The following DPH6 variants were observed in gnomAD, a reference collection of about 807,000 sequenced individuals.
The protein encoded by DPH6 is diphthamine biosynthesis 6.
In DPH6, 33 loss-of-function variants were observed where a neutral mutation model predicts 38.2. The observed-to-expected ratio is 0.86, with a 90% CI of 0.65 to 1.15. The LOEUF is 1.15. Ranked by LOEUF, DPH6 falls within the 50% of genes most tolerant of loss-of-function variation. The pLI is 0.00. For synonymous variants in DPH6, 108 were observed against 103.0 expected (o/e 1.05, Z -0.30); for missense variants, 325 against 320.0 (o/e 1.02, Z -0.12).
intron 3 of DPH6, chr15:35,522,232 AG>A: frequency 1.2e-6 from 2 of 1,613,286 alleles, no homozygotes; most frequent in Non-Finnish European, 1.7e-6. Flanking sequence ...AAAATCTTGG[AG>A]ATTCAGAGCA....
chr15:35,327,336 CTTTTTTTTTT>C (rs376483680), downstream of DPH6, among the ~76,000 whole-genome samples: 2 of 127,790 alleles, frequency 1.6e-5, no homozygotes, highest in South Asian at 2.4e-4. Context: ...GAAAAGGTTC[CTTTTTTTTTT>C]TTTTTTTTTT....
At chr15:35,221,366 G>A (rs1336726732) in intron 3 of DPH6, among the ~76,000 whole-genome samples, 3 of 151,986 alleles carry the variant, frequency 2.0e-5, no homozygotes, top group South Asian at 2.1e-4. Flanking sequence ...TGCAGAGGCC[G>A]CACCCCCATG....
the DPH6 span, among the ~76,000 whole-genome samples, chr15:35,172,398 G>A: frequency 6.6e-6 from 1 of 152,112 alleles, no homozygotes; most frequent in Non-Finnish European, 1.5e-5. Flanking sequence ...TCATGTTGGT[G>A]CTCAAAAAGT....
At chr15:35,442,370 A>T (rs2053799788) in intron 5 of DPH6, among the ~76,000 whole-genome samples, 1 of 152,182 alleles carries the variant, frequency 6.6e-6, no homozygotes, top group African/African-American at 2.4e-5. Flanking sequence ...AAAGACAGAA[A>T]ATAATTAACT....
intron 6 of DPH6, among the ~76,000 whole-genome samples, chr15:35,390,035 T>C (rs1484344070): frequency 3.3e-5 from 5 of 152,218 alleles, no homozygotes; most frequent in Non-Finnish European, 5.9e-5. Context: ...AGGGCAGGCC[T>C]GGTGGTGACA....
At chr15:35,503,781 C>T (rs1419367172) in intron 3 of DPH6, among the ~76,000 whole-genome samples, 1 of 152,014 alleles carries the variant, frequency 6.6e-6, no homozygotes, top group East Asian at 1.9e-4. Flanking sequence ...AGCAATTCTA[C>T]GAGGTAGGCT....
chr15:35,274,798 T>A (rs987484864), intron 3 of DPH6, among the ~76,000 whole-genome samples: 1 of 152,070 alleles, frequency 6.6e-6, no homozygotes, highest in African/African-American at 2.4e-5. Flanking sequence ...TTGGTGGGAG[T>A]GTAAATTATT....
chr15:35,484,173 CAAATA>C (rs2054365281), intron 3 of DPH6, among the ~76,000 whole-genome samples: 1 of 151,972 alleles, frequency 6.6e-6, no homozygotes, highest in African/African-American at 2.4e-5. Flanking sequence ...TGAATCTATA[CAAATA>C]AATAACAATG....
intron 5 of DPH6, among the ~76,000 whole-genome samples, chr15:35,434,260 A>C (rs1458621224): frequency 1.3e-5 from 2 of 152,206 alleles, no homozygotes; most frequent in African/African-American, 4.8e-5. Context: ...TTGATTAGGA[A>C]GTGATAAAAA....
At chr15:35,312,134 A>C (rs951684093) in intron 3 of DPH6, among the ~76,000 whole-genome samples, 1 of 152,148 alleles carries the variant, frequency 6.6e-6, no homozygotes, top group South Asian at 2.1e-4. Flanking sequence ...GAAAGCTACT[A>C]TATTTTAAAA....
chr15:35,283,250 ACTC>A (rs200197152), intron 3 of DPH6, among the ~76,000 whole-genome samples: 52 of 87,100 alleles, frequency 6.0e-4, no homozygotes, highest in South Asian at 1.5e-3. Context: ...TCCTCCTCCT[ACTC>A]CTCTTCTTCT....
chr15:35,227,544 G>A (rs1056663513), intron 3 of DPH6, among the ~76,000 whole-genome samples: 3 of 151,450 alleles, frequency 2.0e-5, no homozygotes, highest in African/African-American at 7.3e-5. Flanking sequence ...CCTTAGTCTG[G>A]CTAAAGGTTT....
At chr15:35,340,702 C>T (rs1308252709) in intron 3 of DPH6, among the ~76,000 whole-genome samples, 5 of 152,186 alleles carry the variant, frequency 3.3e-5, no homozygotes, top group East Asian at 3.9e-4. Flanking sequence ...GTTGAATATT[C>T]GCCCCAATCT....
intron 4 of DPH6, 102 bp from the exon 5 acceptor site, chr15:35,450,905 A>G: frequency 1.1e-6 from 1 of 908,230 alleles, no homozygotes; most frequent in Middle Eastern, 3.4e-4. Flanking sequence ...TCGTTCAAGG[A>G]TTTTAGCATT....
chr15:35,490,813 A>G (rs945310352), intron 3 of DPH6, among the ~76,000 whole-genome samples: 6 of 152,056 alleles, frequency 3.9e-5, no homozygotes, highest in Non-Finnish European at 7.4e-5. Flanking sequence ...TTCTGCTGCT[A>G]TAAGAGAATA....
Position 35,371,613 on chromosome 15 carries a change from G to A in DPH6, c.*537C>T. 7.1e-6 allele frequency: 7 copies of A among 983,338 alleles called. No homozygotes were observed. The highest frequency in any genetic ancestry group is 8.5e-6 in the Non-Finnish European group (7 of 828,108). The allele number at this position is 983,338 out of a possible 1,614,324, so 60.9% of individuals were successfully genotyped here. ...TTAAAAATCAGTTATAAAATAACTTGTAAGAGTTAAGGACATTCTTCCTAA... is the reference window on the plus strand; with the variant it reads ...TTAAAAATCAGTTATAAAATAACTTATAAGAGTTAAGGACATTCTTCCTAA... On this transcript the variant is annotated 3_prime_UTR_variant, in exon 9 of 9. Transcript: ENST00000256538.
At chr15:35,213,838 C>A (rs569429909), downstream of DPH6, among the ~76,000 whole-genome samples, 3 of 152,264 alleles carry the variant, frequency 2.0e-5, no homozygotes, top group Non-Finnish European at 2.9e-5. Flanking sequence ...AGAGGCCGGG[C>A]GCGGTGGCTC....
chr15:35,526,111 A>G (rs2054997797), intron 3 of DPH6, among the ~76,000 whole-genome samples: 2 of 152,232 alleles, frequency 1.3e-5, no homozygotes, highest in Non-Finnish European at 2.9e-5. Flanking sequence ...TTTTAAAGAG[A>G]TAAATCATGA....
Position 35,526,018 on chromosome 15 carries a change from G to A in DPH6, c.312+12256C>T, listed in dbSNP as rs2054995981. ...ATAATGCTTTCTGTAATTACGTCCA[G>A]GATATATGACCACTGAAAATCAGAA... On this transcript the variant is annotated intron_variant, in intron 3 of 8. Transcript: ENST00000256538. Among the ~76,000 whole-genome samples the A allele has an allele frequency of 2.6e-5, 4 of 152,088 alleles. No homozygotes were observed. In the South Asian group the frequency reaches 8.3e-4, roughly 32 times the overall value.
Sources: allele counts gnomAD v4.1 joint callset (sites outside exome capture counted in the v4.1 genomes callset), GRCh38; gene constraint gnomAD v4.1.1; transcripts MANE v1.5; gene names NCBI Gene and HGNC (gene_info 2026-07-23, HGNC 2026-07-21).